Variants in IPCEF1 observed in about 807,000 individuals in gnomAD.
IPCEF1 encodes the protein interaction protein for cytohesin exchange factors 1.
In IPCEF1, 31 loss-of-function variants were observed where a neutral mutation model predicts 50.9. The ratio of observed to expected loss-of-function variants is 0.61; its 90% CI spans 0.46 to 0.82. The LOEUF is 0.82. Ranked by LOEUF, IPCEF1 falls within the 40% of genes least tolerant of loss-of-function variation. The pLI is 0.00. For synonymous variants in IPCEF1, 181 were observed against 192.0 expected (o/e 0.94, Z 0.47); for missense variants, 458 against 514.0 (o/e 0.89, Z 1.05).
chr6:154,258,336 C>T (rs1285570299), intron 3 of IPCEF1, among the ~76,000 whole-genome samples: 2 of 152,182 alleles, frequency 1.3e-5, no homozygotes, highest in African/African-American at 2.4e-5. Context: ...CCACAGATCA[C>T]GCACAGCTAG....
chr6:154,256,613 TTCTC>T (rs1562568735), intron 3 of IPCEF1, among the ~76,000 whole-genome samples: 1 of 149,586 alleles, frequency 6.7e-6, no homozygotes, highest in Non-Finnish European at 1.5e-5. Flanking sequence ...CACTCTCACT[TTCTC>T]TCTCTCTCTT....
chr6:154,178,221 T>C (rs968830106), intron 10 of IPCEF1, among the ~76,000 whole-genome samples: 1 of 152,130 alleles, frequency 6.6e-6, no homozygotes, highest in Non-Finnish European at 1.5e-5. Flanking sequence ...CAAACCACCA[T>C]GGCACATGTA....
At chr6:154,181,281 C>T (rs1017407424) in intron 10 of IPCEF1, among the ~76,000 whole-genome samples, 1 of 152,038 alleles carries the variant, frequency 6.6e-6, no homozygotes, top group African/African-American at 2.4e-5. Context: ...TATTTTTGTT[C>T]CTGTTGGGTA....
intron 11 of IPCEF1, among the ~76,000 whole-genome samples, chr6:154,166,617 A>C (rs1799455699): frequency 6.6e-6 from 1 of 152,196 alleles, no homozygotes. Flanking sequence ...GTATTTTTGC[A>C]CTTCATTTTA....
chr6:154,292,064 G>T (rs948574363), intron 1 of IPCEF1, among the ~76,000 whole-genome samples: 1 of 152,202 alleles, frequency 6.6e-6, no homozygotes, highest in Non-Finnish European at 1.5e-5. Flanking sequence ...GTCTGTTTCA[G>T]TGTGGAAGAT....
At chr6:154,235,210 G>C (rs1456822729) in intron 5 of IPCEF1, among the ~76,000 whole-genome samples, 1 of 152,134 alleles carries the variant, frequency 6.6e-6, no homozygotes, top group Non-Finnish European at 1.5e-5. Context: ...TTTAAAATCA[G>C]GTGCATTCTC....
chr6:154,298,016 T>C (rs757740533), intron 1 of IPCEF1, among the ~76,000 whole-genome samples: 4 of 152,228 alleles, frequency 2.6e-5, no homozygotes, highest in Non-Finnish European at 5.9e-5. Flanking sequence ...CACATGAACA[T>C]TTTCAGTGTT....
At chr6:154,174,337 G>A (rs1800120981) in intron 10 of IPCEF1, among the ~76,000 whole-genome samples, 1 of 152,288 alleles carries the variant, frequency 6.6e-6, no homozygotes, top group East Asian at 1.9e-4. Context: ...AACCTTAAAT[G>A]TAAATGGGCT....
chr6:154,181,144 A>G (rs1308773622), intron 10 of IPCEF1, among the ~76,000 whole-genome samples: 3 of 152,186 alleles, frequency 2.0e-5, no homozygotes, highest in Non-Finnish European at 1.5e-5. Context: ...ACATAGCAAA[A>G]GATTTGAAAT....
chr6:154,306,838 A>G (rs1782948992), intron 1 of IPCEF1: 1 of 152,158 alleles, frequency 6.6e-6, no homozygotes, highest in African/African-American at 2.4e-5. Flanking sequence ...CTTGGACTGA[A>G]TCTCATTTTT....
intron 11 of IPCEF1, among the ~76,000 whole-genome samples, chr6:154,162,380 A>T (rs1799096747): frequency 1.3e-5 from 2 of 152,210 alleles, no homozygotes; most frequent in Admixed American, 1.3e-4. Flanking sequence ...ATTCAGTCCC[A>T]TCAGGGTTTG....
At chr6:154,336,376 A>C (rs1259926435) in intron 1 of IPCEF1, among the ~76,000 whole-genome samples, 1 of 152,210 alleles carries the variant, frequency 6.6e-6, no homozygotes, top group African/African-American at 2.4e-5. Context: ...AGCAATATGG[A>C]TGGAACCGAA....
intron 2 of IPCEF1, among the ~76,000 whole-genome samples, chr6:154,274,127 C>A (rs1781981406): frequency 6.6e-6 from 1 of 150,938 alleles, no homozygotes; most frequent in African/African-American, 2.4e-5. Flanking sequence ...ATAGAATATT[C>A]TCATTCTTTC....
intron 10 of IPCEF1, among the ~76,000 whole-genome samples, chr6:154,179,376 T>C (rs1800638047): frequency 6.6e-6 from 1 of 152,196 alleles, no homozygotes; most frequent in Non-Finnish European, 1.5e-5. Context: ...TAGAATTTCA[T>C]AGTAGAAAAC....
chr6:154,337,367 T>G (rs887549536), intron 1 of IPCEF1, among the ~76,000 whole-genome samples: 1 of 152,232 alleles, frequency 6.6e-6, no homozygotes, highest in Admixed American at 6.5e-5. Flanking sequence ...CTCTAGTCTT[T>G]CCAAGAGAAA....
chr6:154,350,515 T>C (rs1185209643), intron 1 of IPCEF1, among the ~76,000 whole-genome samples: 1 of 152,244 alleles, frequency 6.6e-6, no homozygotes, highest in Non-Finnish European at 1.5e-5. Context: ...ACAAGTTAAC[T>C]TCATAGAAAT....
intron 1 of IPCEF1, among the ~76,000 whole-genome samples, chr6:154,294,160 G>A (rs1343437689): frequency 6.6e-6 from 1 of 151,982 alleles, no homozygotes; most frequent in Non-Finnish European, 1.5e-5. Context: ...AATGACATTG[G>A]GGCCCAATTC....
At position 154,230,694 on chromosome 6, in the gene IPCEF1, A is replaced by G. The variant is rs529635986; in HGVS notation, c.247-7451T>C. ...GTTAAAAAATGAAAAGTAATATTATATCTCTATTTTCAATGAAACCATAGT... is the reference window on the plus strand; with the variant it reads ...GTTAAAAAATGAAAAGTAATATTATGTCTCTATTTTCAATGAAACCATAGT... On this transcript the variant is annotated intron_variant, in intron 5 of 11. Coordinates refer to ENST00000367220, the MANE Select transcript of IPCEF1 (RefSeq NM_001130700.2). 6.6e-5 allele frequency among the ~76,000 whole-genome samples: 10 copies of G among 152,286 alleles called. No individual in the cohort carries two copies. The East Asian group carries it at 1.7e-3, about 26-fold the overall frequency.
intron 1 of IPCEF1, among the ~76,000 whole-genome samples, chr6:154,331,971 T>C (rs1013780984): frequency 1.3e-5 from 2 of 152,126 alleles, no homozygotes; most frequent in Non-Finnish European, 2.9e-5. Flanking sequence ...TTTACATCCT[T>C]TCATTACTGC....
Sources: gnomAD v4.1 joint callset for allele counts (sites outside exome capture counted in the v4.1 genomes callset) on GRCh38, gnomAD v4.1.1 for gene constraint, MANE v1.5 for transcripts, NCBI Gene and HGNC (gene_info 2026-07-23, HGNC 2026-07-21) for gene names.